NKAIN2: variants seen among roughly 807,000 people sequenced by gnomAD.
The protein encoded by NKAIN2 is sodium/potassium-transporting ATPase subunit beta-1-interacting protein 2.
Under a neutral mutation model 32.6 loss-of-function variants are expected in NKAIN2, and 14 were observed. The observed-to-expected ratio is 0.43, with a 90% CI of 0.28 to 0.67. The LOEUF is 0.67. NKAIN2 is among the 30% of genes least tolerant of loss of function. The probability of loss-of-function intolerance (pLI) is 0.17; values close to 1 mark genes in which losing one functional copy is unlikely to be tolerated. For synonymous variants in NKAIN2, 80 were observed against 87.2 expected, an observed-to-expected ratio of 0.92 and a Z score of 0.46; for missense variants, 198 against 258.3, an observed-to-expected ratio of 0.77 and a Z score of 1.60.
chr6:124,049,661 C>T (rs985132689), intron 1 of NKAIN2, among the ~76,000 whole-genome samples: 6 of 151,988 alleles, frequency 3.9e-5, no homozygotes, highest in African/African-American at 1.4e-4. Context: ...TTCTAAGTAG[C>T]ATGATAAAAT....
At chr6:124,812,542 T>A (rs114112958) in intron 5 of NKAIN2, among the ~76,000 whole-genome samples, 2,857 of 152,226 alleles carry the variant, frequency 0.019, 89 homozygotes, top group African/African-American at 0.066. Flanking sequence ...AGAAATAGGT[T>A]GCAATGAAGC....
intron 1 of NKAIN2, among the ~76,000 whole-genome samples, chr6:123,894,965 A>G (rs181774461): frequency 5.3e-5 from 8 of 152,258 alleles, no homozygotes; most frequent in African/African-American, 1.9e-4. Flanking sequence ...TTAAAGAAAT[A>G]CAGACCGGAA....
intron 1 of NKAIN2, among the ~76,000 whole-genome samples, chr6:124,200,556 AAATATGCT>A (rs1337322751): frequency 1.3e-5 from 2 of 152,240 alleles, no homozygotes; most frequent in Non-Finnish European, 2.9e-5. Context: ...TTTTCATTTA[AAATATGCT>A]AATATTTAAA....
chr6:124,403,317 A>G (rs1431115632), intron 3 of NKAIN2, among the ~76,000 whole-genome samples: 1 of 152,090 alleles, frequency 6.6e-6, no homozygotes, highest in Non-Finnish European at 1.5e-5. Flanking sequence ...GTGTATTGAC[A>G]TTATATCCAG....
At chr6:124,026,584 C>T (rs927366487) in intron 1 of NKAIN2, among the ~76,000 whole-genome samples, 3 of 152,182 alleles carry the variant, frequency 2.0e-5, no homozygotes, top group African/African-American at 7.2e-5. Context: ...CACTACTCCC[C>T]TCTCCTGCTT....
intron 1 of NKAIN2, among the ~76,000 whole-genome samples, chr6:123,975,071 G>T (rs531394519): frequency 6.6e-6 from 1 of 152,128 alleles, no homozygotes; most frequent in African/African-American, 2.4e-5. Flanking sequence ...ATAGATAGAA[G>T]GAGAAAATAA....
intron 4 of NKAIN2, among the ~76,000 whole-genome samples, chr6:124,789,789 G>A (rs1779662440): frequency 6.6e-6 from 1 of 151,982 alleles, no homozygotes; most frequent in South Asian, 2.1e-4. Flanking sequence ...CTATCTTATT[G>A]CCAATAGTTA....
At chr6:124,139,073 A>C (rs913710165) in intron 1 of NKAIN2, among the ~76,000 whole-genome samples, 1 of 106,876 alleles carries the variant, frequency 9.4e-6, no homozygotes, top group Non-Finnish European at 1.8e-5. Context: ...ACTTTTTTAA[A>C]TAAAAATTTT....
At chr6:124,058,255 T>C (rs1582553064) in intron 1 of NKAIN2, among the ~76,000 whole-genome samples, 1 of 150,288 alleles carries the variant, frequency 6.7e-6, no homozygotes, top group African/African-American at 2.4e-5. Context: ...ATAATTTCTA[T>C]AGAGAATGAG....
chr6:123,855,365 A>G (rs1233503434), intron 1 of NKAIN2, among the ~76,000 whole-genome samples: 3 of 152,212 alleles, frequency 2.0e-5, no homozygotes. Context: ...AAATACTGTC[A>G]ATGTGACATC....
At chr6:124,113,487 G>A (rs1582668874) in intron 1 of NKAIN2, among the ~76,000 whole-genome samples, 1 of 152,060 alleles carries the variant, frequency 6.6e-6, no homozygotes, top group African/African-American at 2.4e-5. Flanking sequence ...TCTGTGCTGA[G>A]CAGTGGGGAG....
chr6:124,100,814 T>C (rs1034693003), intron 1 of NKAIN2, among the ~76,000 whole-genome samples: 1 of 152,202 alleles, frequency 6.6e-6, no homozygotes, highest in African/African-American at 2.4e-5. Context: ...CCCTCTATTA[T>C]CTGGCATATT....
chr6:124,165,987 G>A (rs1315548742), intron 1 of NKAIN2, among the ~76,000 whole-genome samples: 85 of 105,720 alleles, frequency 8.0e-4, no homozygotes, highest in Middle Eastern at 4.0e-3. Flanking sequence ...ACGTGTGCAT[G>A]TGTCTTTATA....
intron 1 of NKAIN2, among the ~76,000 whole-genome samples, chr6:123,874,395 C>G (rs752253069): frequency 2.0e-5 from 3 of 152,158 alleles, no homozygotes; most frequent in Non-Finnish European, 4.4e-5. Context: ...TCTTTGACTG[C>G]TAGACCCTGA....
intron 3 of NKAIN2, among the ~76,000 whole-genome samples, chr6:124,518,835 A>G (rs1292118950): frequency 6.6e-6 from 1 of 152,216 alleles, no homozygotes; most frequent in Non-Finnish European, 1.5e-5. Context: ...AACAAATTGA[A>G]GGGATTTTGA....
chr6:124,206,145 T>A (rs1790869766), intron 1 of NKAIN2, among the ~76,000 whole-genome samples: 1 of 151,886 alleles, frequency 6.6e-6, no homozygotes, highest in Non-Finnish European at 1.5e-5. Context: ...TACTTGTGAG[T>A]GTCAAGTGTA....
At chr6:124,704,665 T>A (rs1774964124) in intron 4 of NKAIN2, among the ~76,000 whole-genome samples, 3 of 151,100 alleles carry the variant, frequency 2.0e-5, no homozygotes, top group Middle Eastern at 3.4e-3. Flanking sequence ...GAGAGAGACG[T>A]GCATATGATA....
intron 3 of NKAIN2, among the ~76,000 whole-genome samples, chr6:124,635,705 T>C (rs1173999630): frequency 6.6e-6 from 1 of 152,038 alleles, no homozygotes; most frequent in Non-Finnish European, 1.5e-5. Flanking sequence ...AAGGTCATTG[T>C]ATCATAATAA....
chr6:124,306,596 T>C (rs1202367536), intron 2 of NKAIN2, among the ~76,000 whole-genome samples: 1 of 152,166 alleles, frequency 6.6e-6, no homozygotes, highest in Non-Finnish European at 1.5e-5. Context: ...GTTTATATGC[T>C]GAGGTCTTAA....
Sources: gnomAD v4.1 joint callset for allele counts (sites outside exome capture counted in the v4.1 genomes callset) on GRCh38, gnomAD v4.1.1 for gene constraint, MANE v1.5 for transcripts, NCBI Gene and HGNC (gene_info 2026-07-23, HGNC 2026-07-21) for gene names.